Variants in SFXN5 observed in about 807,000 individuals in gnomAD.
SFXN5 encodes the protein sideroflexin-5.
Under a neutral mutation model 50.2 loss-of-function variants are expected in SFXN5, and 43 were observed. The ratio of observed to expected loss-of-function variants is 0.86; its 90% confidence interval spans 0.67 to 1.11. The LOEUF (loss-of-function observed/expected upper bound fraction) is 1.11. Ranked by LOEUF, SFXN5 falls within the 50% of genes least tolerant of loss-of-function variation. SFXN5 has a pLI of 0.00. For missense variants in SFXN5, 463 were observed against 454.1 expected (o/e 1.02, Z -0.18); for synonymous variants, 203 against 185.8 (o/e 1.09, Z -0.75).
intron 12 of SFXN5, among the ~76,000 whole-genome samples, chr2:72,968,122 A>AACACACACACAC (rs34361357): frequency 1.0e-3 from 142 of 137,280 alleles, no homozygotes; most frequent in Non-Finnish European, 1.3e-3. Flanking sequence ...CACACATGAA[A>AACACACACACAC]ACACACACAC....
At chr2:73,039,314 G>T (rs1679326144) in intron 3 of SFXN5, among the ~76,000 whole-genome samples, 1 of 152,192 alleles carries the variant, frequency 6.6e-6, no homozygotes, top group South Asian at 2.1e-4. Context: ...TGTATTGAAA[G>T]GCCGCGGGAG....
intron 13 of SFXN5, chr2:72,957,144 C>G (rs747083913): frequency 1.1e-5 from 5 of 450,396 alleles, no homozygotes; most frequent in Non-Finnish European, 1.8e-5. Flanking sequence ...TCAACTCCCC[C>G]CCATACACTG....
At chr2:73,067,103 G>A (rs1683234739) in intron 1 of SFXN5, among the ~76,000 whole-genome samples, 1 of 152,136 alleles carries the variant, frequency 6.6e-6, no homozygotes, top group African/African-American at 2.4e-5. Flanking sequence ...ACATGGTTAT[G>A]TTAAACAAAT....
intron 13 of SFXN5, among the ~76,000 whole-genome samples, chr2:72,947,718 C>G (rs537010171): frequency 2.6e-5 from 4 of 152,162 alleles, no homozygotes; most frequent in African/African-American, 7.2e-5. Flanking sequence ...GCTGGTACCC[C>G]GTTACCCAAG....
At chr2:73,009,354 C>T (rs534928186) in intron 6 of SFXN5, among the ~76,000 whole-genome samples, 4 of 152,306 alleles carry the variant, frequency 2.6e-5, no homozygotes, top group African/African-American at 4.8e-5. Flanking sequence ...CCACACAAGA[C>T]GAGGCAGTGG....
At chr2:73,001,817 C>T (rs921242039) in intron 6 of SFXN5, among the ~76,000 whole-genome samples, 3 of 151,962 alleles carry the variant, frequency 2.0e-5, no homozygotes, top group South Asian at 4.2e-4. Flanking sequence ...TTATATATAA[C>T]GATATACACA....
At chr2:72,981,723 A>T (rs1022432701) in intron 10 of SFXN5, among the ~76,000 whole-genome samples, 1 of 152,102 alleles carries the variant, frequency 6.6e-6, no homozygotes. Flanking sequence ...GCTGCCACCA[A>T]TTCTGGCACC....
rs189429588 is a variant in SFXN5 at position 73,033,412 on chromosome 2, G to A, written c.249+7442C>T. Among the ~76,000 whole-genome samples, 363 of 152,286 alleles carry A rather than the reference G, an allele frequency of 2.4e-3. 5 individuals are homozygous for A. Among genetic ancestry groups the A allele is most frequent in the Admixed American group, 0.021 (319 of 15,278 alleles). On this transcript the variant is annotated intron_variant, in intron 3 of 13. Transcript: ENST00000272433. ...AAGGAAAAGTGCTTCAGGAAACTAG[G>A]GAAAATAGACCAGGACAAGAGGATA... is the stretch of plus-strand genomic sequence containing the variant.
intron 3 of SFXN5, among the ~76,000 whole-genome samples, chr2:73,040,560 C>A (rs1011281373): frequency 6.6e-6 from 1 of 152,184 alleles, no homozygotes. Context: ...CATCCCTGAT[C>A]GTGGAATTGG....
intron 10 of SFXN5, among the ~76,000 whole-genome samples, chr2:72,981,615 G>C: frequency 6.6e-6 from 1 of 152,162 alleles, no homozygotes; most frequent in Non-Finnish European, 1.5e-5. Context: ...TGAAGACAGA[G>C]CCCTGGGACA....
At chr2:72,975,793 G>A (rs558834836) in intron 10 of SFXN5, among the ~76,000 whole-genome samples, 1 of 152,298 alleles carries the variant, frequency 6.6e-6, no homozygotes, top group Admixed American at 6.5e-5. Flanking sequence ...AATGGAGCAC[G>A]GACATGAAAA....
intron 12 of SFXN5, among the ~76,000 whole-genome samples, chr2:72,966,800 C>T (rs1359306495): frequency 2.0e-5 from 3 of 152,222 alleles, no homozygotes; most frequent in Non-Finnish European, 4.4e-5. Flanking sequence ...TGCTGCCAGG[C>T]CCACAGTGCT....
intron 6 of SFXN5, among the ~76,000 whole-genome samples, chr2:73,009,278 C>A (rs898005723): frequency 6.6e-6 from 1 of 152,230 alleles, no homozygotes. Flanking sequence ...TGCTACCAGG[C>A]GACAGCAGGG....
At chr2:72,996,065 G>A (rs189138363) in intron 9 of SFXN5, among the ~76,000 whole-genome samples, 15 of 152,314 alleles carry the variant, frequency 9.8e-5, no homozygotes, top group South Asian at 6.2e-4. Flanking sequence ...CATGGTGCCC[G>A]TCCCTGGTTA....
chr2:72,998,871 C>G (rs1024576929), intron 9 of SFXN5, 78 bp downstream of exon 9: 7 of 1,502,354 alleles, frequency 4.7e-6, no homozygotes, highest in African/African-American at 2.8e-5. Context: ...GGCCCTCAGA[C>G]AAGCATCCAC....
chr2:72,952,530 G>A (rs1207272006), intron 13 of SFXN5, among the ~76,000 whole-genome samples: 1 of 152,210 alleles, frequency 6.6e-6, no homozygotes, highest in Non-Finnish European at 1.5e-5. Context: ...TCGTGGGCAA[G>A]AATCCTGTCT....
In SFXN5 at chr2:72,944,902, AG is replaced by A. The variant is rs1195472058; in HGVS notation, c.*119del. 2.6e-5 allele frequency: 22 copies of A among 839,400 alleles called. No individual in the cohort carries two copies. The highest frequency in any genetic ancestry group is 4.2e-5 in the Non-Finnish European group (22 of 526,566). 52.0% of individuals were successfully genotyped at this position (839,400 alleles called of 1,614,324 possible). A position where few individuals can be genotyped will look rare whatever the true frequency, so the allele number is the denominator to read the frequency against. ...TCCACTGTAGGTTGAGCACTCTCCC[AG>A]GGGGCCCAGGACTGCTGGGGTTGGC... On this transcript the variant is annotated 3_prime_UTR_variant, in exon 14 of 14. Coordinates refer to ENST00000272433, the MANE Select transcript of SFXN5 (RefSeq NM_144579.3).
rs150595428 is a variant in SFXN5 at position 73,040,891 on chromosome 2, T to C, written c.212A>G (p.Lys71Arg). ...REAVQLLEDY[K>R]HGTLRPGVTN... ...GACCCCCGGGCGCAGGGTCCCATGC[T>C]TATAGTCCTCCAGCAGCTGCACAGC... The change falls in exon 3 of 14, where the codon AAG becomes AGG. Residue 71 changes from lysine to arginine, a missense_variant. By Grantham distance (26) the Lys-to-Arg change is conservative. Coordinates refer to ENST00000272433, the MANE Select transcript of SFXN5 (RefSeq NM_144579.3). 20 of 1,613,246 alleles carry C rather than the reference T, an allele frequency of 1.2e-5. No individual in the cohort carries two copies. The highest frequency in any genetic ancestry group is 1.7e-4 in the Middle Eastern group (1 of 6,060).
rs181804377 is a variant in SFXN5 at position 73,000,590 on chromosome 2, C to T, written c.412-103G>A. On this transcript the variant is annotated intron_variant, in intron 7 of 13. Coordinates refer to ENST00000272433, the MANE Select transcript of SFXN5 (RefSeq NM_144579.3). The stretch of plus-strand genomic sequence containing the variant: ...CACATCCCCAGAAAGGCACAGCATG[C>T]GGTCTCCAGCTCACATGGTGCCGCC... The T allele has an allele frequency of 8.3e-5, 91 of 1,091,516 alleles. No individual in the cohort carries two copies. In the Admixed American group the frequency reaches 8.5e-4, roughly 10 times the overall value. 67.6% of individuals were successfully genotyped at this position (1,091,516 alleles called of 1,614,324 possible).
Sources: allele counts gnomAD v4.1 joint callset (sites outside exome capture counted in the v4.1 genomes callset), GRCh38; gene constraint gnomAD v4.1.1; transcripts MANE v1.5; gene names NCBI Gene and HGNC (gene_info 2026-07-23, HGNC 2026-07-21).